The following CAPZA2 variants were observed in gnomAD, a reference collection of about 807,000 sequenced individuals.
CAPZA2 encodes capping actin protein of muscle Z-line subunit alpha 2.
CAPZA2 carries 13 observed loss-of-function variants against 44.0 expected under a neutral mutation model. The observed-to-expected ratio is 0.30, with a 90% CI of 0.19 to 0.47. The LOEUF is 0.47. CAPZA2 is among the 20% of genes least tolerant of loss of function. The pLI is 1.00. For missense variants in CAPZA2, 244 were observed against 338.6 expected, an observed-to-expected ratio of 0.72 and a Z score of 2.19; for synonymous variants, 94 against 108.2, an observed-to-expected ratio of 0.87 and a Z score of 0.81.
chr7:116,872,998 G>A (rs191278218), intron 1 of CAPZA2, among the ~76,000 whole-genome samples: 16 of 152,240 alleles, frequency 1.1e-4, no homozygotes, highest in Admixed American at 2.0e-4. Flanking sequence ...AATAGAGGGT[G>A]GGAATCTGTA....
chr7:116,886,872 T>C (rs908095328), intron 1 of CAPZA2, among the ~76,000 whole-genome samples: 11 of 152,226 alleles, frequency 7.2e-5, no homozygotes, highest in Non-Finnish European at 1.2e-4. Context: ...ACTAAACTAT[T>C]ATGTTGGGCA....
intron 2 of CAPZA2, among the ~76,000 whole-genome samples, chr7:116,890,525 AATATATATATATATATATATATATAT>A (rs869031070): frequency 7.3e-5 from 2 of 27,222 alleles, no homozygotes; most frequent in African/African-American, 3.2e-4. Flanking sequence ...AAAAAAAAAA[AATATATATATATATATATATATATAT>A]ATATATATAT....
At chr7:116,898,878 G>T in intron 4 of CAPZA2, 43 bp downstream of exon 4, 2 of 1,182,572 alleles carry the variant, frequency 1.7e-6, no homozygotes, top group Non-Finnish European at 2.5e-6. Context: ...GTTTATAACC[G>T]TTAAGGTATC....
At chr7:116,873,028 G>T (rs1339975738) in intron 1 of CAPZA2, among the ~76,000 whole-genome samples, 3 of 152,232 alleles carry the variant, frequency 2.0e-5, no homozygotes, top group African/African-American at 7.2e-5. Flanking sequence ...AGCTTTCCAG[G>T]TGAGTCTGAC....
chr7:116,901,850 GAAAA>G (rs901341220), intron 4 of CAPZA2, among the ~76,000 whole-genome samples: 1 of 139,680 alleles, frequency 7.2e-6, no homozygotes, highest in Non-Finnish European at 1.5e-5. Flanking sequence ...AGTTTATGTG[GAAAA>G]AAAAACATGC....
At chr7:116,866,902 A>G (rs765886564) in intron 1 of CAPZA2, among the ~76,000 whole-genome samples, 36 of 152,108 alleles carry the variant, frequency 2.4e-4, no homozygotes, top group South Asian at 8.3e-4. Flanking sequence ...AAATTTATAA[A>G]CGCCCATCTT....
At chr7:116,864,178 T>TA (rs1019692120) in intron 1 of CAPZA2, among the ~76,000 whole-genome samples, 2 of 152,180 alleles carry the variant, frequency 1.3e-5, no homozygotes, top group African/African-American at 4.8e-5. Flanking sequence ...CTAAAAAGCT[T>TA]AAAAAGAGAT....
In CAPZA2 at chr7:116,901,763, A is replaced by G. The variant is rs1796996686; in HGVS notation, c.220-2414A>G. ...TTAGATAGAAAATTAAATTATTTTA[A>G]AAGTAATGTATGGATTTGATGAAAT... On this transcript the variant is annotated intron_variant, in intron 4 of 9. Transcript: ENST00000361183. Among the ~76,000 whole-genome samples, 7 of 152,242 alleles carry G rather than the reference A, an allele frequency of 4.6e-5. No homozygotes were observed. The South Asian group carries it at 1.5e-3, about 32-fold the overall frequency.
At chr7:116,862,835 G>A (rs1225809014) in intron 1 of CAPZA2, among the ~76,000 whole-genome samples, 185 bp downstream of exon 1, 1 of 152,060 alleles carries the variant, frequency 6.6e-6, no homozygotes, top group Non-Finnish European at 1.5e-5. Context: ...GCCCCGCGCG[G>A]GGGCAGGTCT....
At chr7:116,910,364 A>G in intron 7 of CAPZA2, 53 bp downstream of exon 7, 1 of 859,258 alleles carries the variant, frequency 1.2e-6, no homozygotes. Context: ...ACAGAGAAAC[A>G]ACTAATTCCT....
chr7:116,868,795 G>A (rs929651510), intron 1 of CAPZA2, among the ~76,000 whole-genome samples: 1 of 152,180 alleles, frequency 6.6e-6, no homozygotes, highest in African/African-American at 2.4e-5. Flanking sequence ...AGCTATTAAT[G>A]TGGACAATAT....
Position 116,916,068 on chromosome 7 carries a change from G to A in CAPZA2, c.666G>A (p.Val222=), listed in dbSNP as rs1370277649. ...IQDSLTVSNE[V]QTAKEFIKIV... ...GTTTTTTTTTTTTTCAGAATGAAGT[G>A]CAAACAGCAAAAGAATTTATAAAGA... Residue 222 remains valine (V), a synonymous_variant, in exon 9 of 10, where the codon GTG becomes GTA. Transcript: ENST00000361183. The A allele has an allele frequency of 4.8e-6, 7 of 1,473,536 alleles. No homozygotes were observed. The Admixed American group carries it at 7.4e-5, about 16-fold the overall frequency. The allele number at this position is 1,473,536 out of a possible 1,614,324, so 91.3% of individuals were successfully genotyped here.
intron 9 of CAPZA2, among the ~76,000 whole-genome samples, chr7:116,916,715 T>C (rs1401521875): frequency 6.6e-6 from 1 of 152,272 alleles, no homozygotes; most frequent in Admixed American, 6.5e-5. Context: ...AGAAGTGTTT[T>C]AGATTTCAGA....
intron 1 of CAPZA2, among the ~76,000 whole-genome samples, chr7:116,885,830 A>G (rs1476048524): frequency 6.6e-6 from 1 of 152,166 alleles, no homozygotes; most frequent in African/African-American, 2.4e-5. Context: ...AAGCTCTCCA[A>G]ACCCTCTTTA....
intron 2 of CAPZA2, among the ~76,000 whole-genome samples, chr7:116,892,168 TA>T (rs1471044687): frequency 6.6e-6 from 1 of 152,192 alleles, no homozygotes; most frequent in African/African-American, 2.4e-5. Context: ...ACACTCTATG[TA>T]AGAATTATAG....
intron 2 of CAPZA2, among the ~76,000 whole-genome samples, chr7:116,892,374 G>A (rs577233223): frequency 4.7e-4 from 72 of 152,236 alleles, no homozygotes; most frequent in African/African-American, 1.4e-3. Context: ...GATGAGAGCC[G>A]TACGTGACTT....
At chr7:116,882,186 C>G (rs1441727564) in intron 1 of CAPZA2, among the ~76,000 whole-genome samples, 1 of 152,168 alleles carries the variant, frequency 6.6e-6, no homozygotes, top group Admixed American at 6.5e-5. Flanking sequence ...AAGATACTTA[C>G]AAACAATGTA....
At position 116,862,608 on chromosome 7, in the gene CAPZA2, G is replaced by A; in HGVS notation, c.-4G>A. On this transcript the variant is annotated 5_prime_UTR_variant, in exon 1 of 10. Transcript: ENST00000361183. The stretch of plus-strand genomic sequence containing the variant: ...CGCCGCCGCGGTTTGTCGCCAGAAG[G>A]AAGATGGCGGATCTGGAGGAGCAGT... 1 of 1,539,118 alleles carries A rather than the reference G, an allele frequency of 6.5e-7. No homozygotes were observed. The highest frequency in any genetic ancestry group is 1.2e-5 in the South Asian group (1 of 83,388).
chr7:116,869,858 C>G (rs965053432), intron 1 of CAPZA2, among the ~76,000 whole-genome samples: 13 of 151,324 alleles, frequency 8.6e-5, no homozygotes, highest in Admixed American at 4.6e-4. Flanking sequence ...GAATTGCACA[C>G]TTGTTTTTTT....
Sources: allele counts gnomAD v4.1 joint callset (sites outside exome capture counted in the v4.1 genomes callset), GRCh38; gene constraint gnomAD v4.1.1; transcripts MANE v1.5; gene names NCBI Gene and HGNC (gene_info 2026-07-23, HGNC 2026-07-21).